DMRT1: variants seen among roughly 807,000 people sequenced by gnomAD.
The protein encoded by DMRT1 is doublesex- and mab-3-related transcription factor 1.
In DMRT1, 7 loss-of-function variants were observed where a neutral mutation model predicts 32.3. That is an observed-to-expected ratio of 0.22 (90% confidence interval 0.12 to 0.41). The LOEUF is 0.41. DMRT1 is among the 10% of genes least tolerant of loss of function. The pLI, the probability that DMRT1 is intolerant of heterozygous loss-of-function variation, is 1.00. For missense variants in DMRT1, 625 were observed against 500.5 expected, an observed-to-expected ratio of 1.25 and a Z score of -2.37; for synonymous variants, 278 against 206.1, an observed-to-expected ratio of 1.35 and a Z score of -2.99.
intron 4 of DMRT1, among the ~76,000 whole-genome samples, chr9:949,356 C>T (rs1435608832): frequency 7.4e-6 from 1 of 134,926 alleles, no homozygotes; most frequent in African/African-American, 3.3e-5. Context: ...GAGAGCAAGA[C>T]CCTCTCTCGG....
chr9:937,662 G>T (rs909081493), intron 4 of DMRT1, among the ~76,000 whole-genome samples: 8 of 152,220 alleles, frequency 5.3e-5, no homozygotes, highest in Middle Eastern at 6.8e-3. Context: ...AGAAATGCCT[G>T]TTCAAGTCAT....
rs139354704 is a variant in DMRT1, at chr9:894,180, A to G, written c.807A>G (p.Thr269=). The change falls in exon 3 of 5, where the codon ACA becomes ACG. Residue 269 remains threonine, a synonymous_variant. Coordinates refer to ENST00000382276, the MANE Select transcript of DMRT1 (RefSeq NM_021951.3). ...GLPGPYVPGQ[T]GNQWQMKNME... Reference sequence around the variant, plus strand: ...CCGGACCTTATGTGCCTGGTCAGACAGGAAACCAGTGGCAGGTATGATATT... The same window carrying G: ...CCGGACCTTATGTGCCTGGTCAGACGGGAAACCAGTGGCAGGTATGATATT... 40 of 1,613,542 alleles carry G rather than the reference A, an allele frequency of 2.5e-5. No individual in the cohort carries two copies. The African/African-American group carries it at 5.1e-4, about 20-fold the overall frequency.
At chr9:956,328 A>T (rs1444991402) in intron 4 of DMRT1, among the ~76,000 whole-genome samples, 1 of 152,186 alleles carries the variant, frequency 6.6e-6, no homozygotes, top group Non-Finnish European at 1.5e-5. Context: ...GGGAAGATGA[A>T]GAAGTTTTGG....
intron 2 of DMRT1, among the ~76,000 whole-genome samples, chr9:873,170 C>T (rs908077543): frequency 4.6e-5 from 7 of 152,190 alleles, no homozygotes; most frequent in Non-Finnish European, 7.3e-5. Context: ...TGGCTAATGA[C>T]GTTGTGCATC....
At chr9:955,947 T>C (rs1819585444) in intron 4 of DMRT1, among the ~76,000 whole-genome samples, 1 of 152,194 alleles carries the variant, frequency 6.6e-6, no homozygotes, top group East Asian at 1.9e-4. Context: ...CCCCAAAGAA[T>C]TGAAAGCAGG....
chr9:907,042 T>C (rs1453848344), intron 3 of DMRT1, among the ~76,000 whole-genome samples: 2 of 152,184 alleles, frequency 1.3e-5, no homozygotes, highest in East Asian at 3.9e-4. Context: ...TGGTTAATCT[T>C]ATCGTCAGTA....
At chr9:967,086 G>A (rs1369897445) in intron 4 of DMRT1, among the ~76,000 whole-genome samples, 2 of 152,196 alleles carry the variant, frequency 1.3e-5, no homozygotes, top group Non-Finnish European at 2.9e-5. Flanking sequence ...TCCTGAGGCT[G>A]AAACCAATCA....
intron 4 of DMRT1, among the ~76,000 whole-genome samples, chr9:935,921 G>T (rs542767819): frequency 6.6e-6 from 1 of 152,280 alleles, no homozygotes; most frequent in African/African-American, 2.4e-5. Context: ...TCTGTGTATT[G>T]TTAGGTAGAA....
intron 2 of DMRT1, among the ~76,000 whole-genome samples, chr9:882,306 C>T (rs746818421): frequency 1.3e-5 from 2 of 152,164 alleles, no homozygotes; most frequent in African/African-American, 2.4e-5. Context: ...CCCCATTCTC[C>T]TCCTGCAGTG....
chr9:956,744 C>G (rs1248936065), intron 4 of DMRT1, among the ~76,000 whole-genome samples: 1 of 152,116 alleles, frequency 6.6e-6, no homozygotes, highest in Admixed American at 6.5e-5. Context: ...AAATTTATCT[C>G]ATGCTTTGGT....
chr9:869,585 G>T lies in DMRT1; in HGVS notation c.538+22442G>T, dbSNP rs189076382. On this transcript the variant is annotated intron_variant, in intron 2 of 4. Transcript: ENST00000382276. ...TGACTCTGGCCATATTTCTCCCAAG[G>T]TCTCCTATCTCGGTTACTTGTAAGG... is the stretch of plus-strand genomic sequence containing the variant. 2.0e-5 allele frequency among the ~76,000 whole-genome samples: 3 copies of T among 152,006 alleles called. No individual in the cohort carries two copies. In the East Asian group the frequency reaches 5.8e-4, roughly 29 times the overall value.
intron 4 of DMRT1, among the ~76,000 whole-genome samples, chr9:933,488 A>C (rs1033481259): frequency 4.6e-5 from 7 of 152,178 alleles, no homozygotes; most frequent in Admixed American, 3.9e-4. Context: ...GAGAATGGGT[A>C]ACAAAGCTAG....
chr9:935,903 G>A (rs2129882803), intron 4 of DMRT1, among the ~76,000 whole-genome samples: 1 of 152,334 alleles, frequency 6.6e-6, no homozygotes, highest in Middle Eastern at 3.4e-3. Context: ...TGAAACCAGA[G>A]AGGAAATTCT....
chr9:885,630 G>A (rs1451636774), intron 2 of DMRT1, among the ~76,000 whole-genome samples: 4 of 152,136 alleles, frequency 2.6e-5, no homozygotes, highest in Admixed American at 6.5e-5. Flanking sequence ...GTGTCTGCTC[G>A]CTAGGGTTTC....
At chr9:845,283 C>CA (rs1328686423) in intron 1 of DMRT1, among the ~76,000 whole-genome samples, 2 of 152,156 alleles carry the variant, frequency 1.3e-5, no homozygotes, top group Admixed American at 1.3e-4. Context: ...GATTTCGGCT[C>CA]ACTGCAACCT....
intron 3 of DMRT1, among the ~76,000 whole-genome samples, chr9:898,650 C>G (rs748064288): frequency 2.6e-5 from 4 of 152,170 alleles, no homozygotes; most frequent in Non-Finnish European, 4.4e-5. Context: ...TGGAGAGCAC[C>G]TGTGCTGTTC....
intron 2 of DMRT1, among the ~76,000 whole-genome samples, chr9:885,116 C>T (rs1365421606): frequency 6.6e-6 from 1 of 152,206 alleles, no homozygotes; most frequent in Non-Finnish European, 1.5e-5. Flanking sequence ...GCTCAAGCCT[C>T]TAGGGGAGCA....
chr9:842,414 T>C (rs914303157), intron 1 of DMRT1: 7 of 608,186 alleles, frequency 1.2e-5, no homozygotes, highest in African/African-American at 7.6e-5. Flanking sequence ...TTTGTATTTT[T>C]AGTAGAGACG....
intron 4 of DMRT1, among the ~76,000 whole-genome samples, chr9:938,793 A>G (rs1014876644): frequency 6.6e-6 from 1 of 152,202 alleles, no homozygotes; most frequent in African/African-American, 2.4e-5. Flanking sequence ...AGGTGGCACA[A>G]GTGGGCATCG....
Sources: gnomAD v4.1 joint callset for allele counts (sites outside exome capture counted in the v4.1 genomes callset) on GRCh38, gnomAD v4.1.1 for gene constraint, MANE v1.5 for transcripts, NCBI Gene and HGNC (gene_info 2026-07-23, HGNC 2026-07-21) for gene names.